Variants in SEC14L2 observed in about 807,000 individuals in gnomAD.
The protein encoded by SEC14L2 is SEC14-like protein 2.
SEC14L2 carries 50 observed loss-of-function variants against 56.9 expected under a neutral mutation model. The observed-to-expected ratio is 0.88, with a 90% CI of 0.70 to 1.11. The LOEUF is 1.11. Among genes scored for constraint, SEC14L2 ranks in the 50% most tolerant of loss-of-function variants. The pLI, the probability that SEC14L2 is intolerant of heterozygous loss-of-function variation, is 0.00. For missense variants in SEC14L2, 414 were observed against 500.7 expected (o/e 0.83, Z 1.65); for synonymous variants, 179 against 188.5 (o/e 0.95, Z 0.41).
At chr22:30,397,826 G>T in intron 1 of SEC14L2, 1 of 471,070 alleles carries the variant, frequency 2.1e-6, no homozygotes, top group Non-Finnish European at 4.4e-6. Flanking sequence ...CCAGACCCCT[G>T]CCTGGTTCAG....
At chr22:30,417,581 T>A (rs1354602927) in intron 11 of SEC14L2, among the ~76,000 whole-genome samples, 1 of 152,120 alleles carries the variant, frequency 6.6e-6, no homozygotes, top group African/African-American at 2.4e-5. Context: ...CTCACAGGGA[T>A]ACCTGATGAT....
chr22:30,421,859 C>T (rs191096750), intron 11 of SEC14L2: 1 of 157,532 alleles, frequency 6.3e-6, no homozygotes, highest in East Asian at 1.8e-4. Context: ...AGTGAGATAA[C>T]ATATAGATTA....
At chr22:30,409,624 G>A (rs1934195092) in intron 7 of SEC14L2, 138 bp downstream of exon 7, 1 of 857,808 alleles carries the variant, frequency 1.2e-6, no homozygotes, top group Non-Finnish European at 1.9e-6. Context: ...CCCTGCTAGT[G>A]TGCTGGCTCA....
At chr22:30,405,085 GAAAAGA>G (rs1038963677) in intron 2 of SEC14L2, among the ~76,000 whole-genome samples, 2 of 151,596 alleles carry the variant, frequency 1.3e-5, no homozygotes, top group African/African-American at 4.8e-5. Flanking sequence ...AAAAAGAAAA[GAAAAGA>G]AAAAGAGAGT....
At position 30,424,755 on chromosome 22, in the gene SEC14L2, A is replaced by G. The variant is rs548029502; in HGVS notation, c.*2348A>G. On this transcript the variant is annotated 3_prime_UTR_variant, in exon 12 of 12. Transcript: ENST00000615189. ...CCAGGATTGTCTCCAACGCCGCTCA[A>G]TTATACCCGCCAAGGAGTCACAGAG... The G allele has an allele frequency of 1.5e-5, 7 of 456,598 alleles. No homozygotes were observed. Among genetic ancestry groups the G allele is most frequent in the South Asian group, 4.6e-5 (3 of 64,560 alleles). 28.3% of individuals were successfully genotyped at this position (456,598 alleles called of 1,614,324 possible). A position where few individuals can be genotyped will look rare whatever the true frequency, so the allele number is the denominator to read the frequency against.
Position 30,397,093 on chromosome 22 carries a change from C to A in SEC14L2, c.-24C>A. On this transcript the variant is annotated 5_prime_UTR_variant, in exon 1 of 12. Transcript: ENST00000615189. ...GCACCCGCCGCCTCCCGCCCCCAAA[C>A]CCCATCCCCGCGGTTGAGCCACGAT... 3 of 1,545,688 alleles carry A rather than the reference C, an allele frequency of 1.9e-6. No individual in the cohort carries two copies. The highest frequency in any genetic ancestry group is 2.6e-6 in the Non-Finnish European group (3 of 1,143,834).
intron 11 of SEC14L2, chr22:30,420,843 G>A (rs1173532761): frequency 7.9e-5 from 12 of 152,174 alleles, no homozygotes; most frequent in Admixed American, 7.9e-4. Flanking sequence ...CTGAAGCGGT[G>A]TTTGGCTGAA....
chr22:30,410,974 A>T (rs1934231503), intron 8 of SEC14L2, among the ~76,000 whole-genome samples: 1 of 152,240 alleles, frequency 6.6e-6, no homozygotes, highest in African/African-American at 2.4e-5. Flanking sequence ...CAGAAGACCT[A>T]GAAAGAGAGG....
intron 6 of SEC14L2, 24 bp downstream of exon 6, chr22:30,409,306 A>C: frequency 1.4e-6 from 2 of 1,452,742 alleles, no homozygotes; most frequent in Non-Finnish European, 1.9e-6. Flanking sequence ...GTGGGGAGGA[A>C]GGGGACAGAG....
At chr22:30,409,089 T>C in intron 5 of SEC14L2, 98 bp from the exon 6 acceptor site, 1 of 1,070,934 alleles carries the variant, frequency 9.3e-7, no homozygotes. Flanking sequence ...TAGCTCTGAT[T>C]GCTCTCTGGA....
chr22:30,422,352 C>T lies in SEC14L2; in HGVS notation c.1157C>T (p.Pro386Leu), dbSNP rs1372928802. 3 of 1,614,210 alleles carry T rather than the reference C, an allele frequency of 1.9e-6. No homozygotes were observed. The highest frequency in any genetic ancestry group is 1.7e-6 in the Non-Finnish European group (2 of 1,180,030). Residue 386 changes from proline (P) to leucine (L), a missense_variant, in exon 12 of 12, where the codon CCA becomes CTA. Physicochemically the swap from Pro to Leu is moderately conservative, Grantham distance 98 (BLOSUM62 -3). Coordinates refer to ENST00000615189, the MANE Select transcript of SEC14L2 (RefSeq NM_012429.5). The stretch of plus-strand genomic sequence containing the variant: ...AATTTCACTGTGGAGGTCCTGCTTC[C>T]AGACAAAGCCTCAGAAGAGAAGATG... Reference protein sequence around the residue: ...KVNFTVEVLLPDKASEEKMKQ... With the variant: ...KVNFTVEVLLLDKASEEKMKQ...
At position 30,410,694 on chromosome 22, in the gene SEC14L2, C is replaced by T; in HGVS notation, c.664+15C>T. 1.2e-6 allele frequency: 2 copies of T among 1,608,486 alleles called. No individual in the cohort carries two copies. Among genetic ancestry groups the T allele is most frequent in the Non-Finnish European group, 1.7e-6 (2 of 1,174,764 alleles). On this transcript the variant is annotated intron_variant, in intron 8 of 11. Transcript: ENST00000615189. The stretch of plus-strand genomic sequence containing the variant: ...GGTCCTGGGAGGTAAGTGGTCCAGA[C>T]TGTTCTCAACTCCAAAGGAGGGTCT...
chr22:30,416,234 G>T lies in SEC14L2; in HGVS notation c.912G>T (p.Arg304Ser). Residue 304 changes from arginine (R) to serine (S), a missense_variant and splice_region_variant, in exon 11 of 12, where the codon AGG becomes AGT. Physicochemically the swap from Arg to Ser is moderately radical, Grantham distance 110. Transcript: ENST00000615189. The stretch of plus-strand genomic sequence containing the variant: ...TCTCAATTGGTGATATCCCCTGCAG[G>T]TGGCAGTTTATGTCAGATGGAGCGG... ...YEILFPGCVL[R>S]WQFMSDGADV... 1 of 1,613,884 alleles carries T rather than the reference G, an allele frequency of 6.2e-7. No homozygotes were observed. The highest frequency in any genetic ancestry group is 8.5e-7 in the Non-Finnish European group (1 of 1,179,754).
rs1934547289 is a variant in SEC14L2, at chr22:30,422,484, A to G, written c.*77A>G. Reference sequence around the variant, plus strand: ...TACCCCTTGTAGCAGTCATTTTCGCACAACCCTGAAGCCCAAAGAAACTGG... The same window carrying G: ...TACCCCTTGTAGCAGTCATTTTCGCGCAACCCTGAAGCCCAAAGAAACTGG... On this transcript the variant is annotated 3_prime_UTR_variant, in exon 12 of 12. Transcript: ENST00000615189. The G allele has an allele frequency of 1.3e-6, 2 of 1,577,162 alleles. No individual in the cohort carries two copies. Among genetic ancestry groups the G allele is most frequent in the Admixed American group, 3.5e-5 (2 of 57,934 alleles).
In SEC14L2 at chr22:30,418,604, C is replaced by G. The variant is rs537279415; in HGVS notation, c.1081+2201C>G. Among the ~76,000 whole-genome samples, 6 of 152,340 alleles carry G rather than the reference C, an allele frequency of 3.9e-5. No individual in the cohort carries two copies. The South Asian group carries it at 1.2e-3, about 32-fold the overall frequency. On this transcript the variant is annotated intron_variant, in intron 11 of 11. Coordinates refer to ENST00000615189, the MANE Select transcript of SEC14L2 (RefSeq NM_012429.5). The stretch of plus-strand genomic sequence containing the variant: ...GATACATTCCCAACCAGAACCTTTA[C>G]CTGCCTGCAGGGTCTTGTCTGGGAT...
intron 8 of SEC14L2, among the ~76,000 whole-genome samples, chr22:30,413,754 G>A (rs1444901208): frequency 6.6e-6 from 1 of 151,856 alleles, no homozygotes; most frequent in Non-Finnish European, 1.5e-5. Context: ...GGAAGTGTAG[G>A]ACTTCTGGGT....
intron 8 of SEC14L2, among the ~76,000 whole-genome samples, 154 bp downstream of exon 8, chr22:30,410,833 CCTT>C (rs1328130655): frequency 6.6e-6 from 1 of 152,184 alleles, no homozygotes; most frequent in Non-Finnish European, 1.5e-5. Flanking sequence ...GGAGCTAGTG[CCTT>C]CTTCTGTTTT....
In SEC14L2 at chr22:30,416,936, T is replaced by TA. The variant is rs1429168861; in HGVS notation, c.1081+535dup. The TA allele has an allele frequency of 4.8e-6, 4 of 840,782 alleles. No homozygotes were observed. The East Asian group carries it at 4.7e-4, about 100-fold the overall frequency. The allele number at this position is 840,782 out of a possible 1,614,324, so 52.1% of individuals were successfully genotyped here. A position where few individuals can be genotyped will look rare whatever the true frequency, so the allele number is the denominator to read the frequency against. Reference sequence around the variant, plus strand: ...ATTTGAAAAGGTGCTTAATCTCTCTTAACTTTGTAATACCATTAAAATTCC... The same window carrying TA: ...ATTTGAAAAGGTGCTTAATCTCTCTTAAACTTTGTAATACCATTAAAATTCC... On this transcript the variant is annotated intron_variant, in intron 11 of 11. Transcript: ENST00000615189.
rs938023649 is a variant in SEC14L2, at chr22:30,420,381, T to G, written c.1082-1896T>G. 2.0e-5 allele frequency: 3 copies of G among 152,288 alleles called. No individual in the cohort carries two copies. In the East Asian group the frequency reaches 5.8e-4, roughly 29 times the overall value. The allele number at this position is 152,288 out of a possible 1,614,324, so 9.4% of individuals were successfully genotyped here. ...GTGTCAAAATGAACCATGCAGACTC[T>G]GGAGCTGCAATGACTCCACTTCCCT... On this transcript the variant is annotated intron_variant, in intron 11 of 11. Transcript: ENST00000615189.
Sources: allele counts gnomAD v4.1 joint callset (sites outside exome capture counted in the v4.1 genomes callset), GRCh38; gene constraint gnomAD v4.1.1; transcripts MANE v1.5; gene names NCBI Gene and HGNC (gene_info 2026-07-23, HGNC 2026-07-21).